Variants in DPYSL4 observed in about 807,000 individuals in gnomAD.
DPYSL4 encodes the protein dihydropyrimidinase-related protein 4.
DPYSL4 carries 43 observed loss-of-function variants against 63.4 expected under a neutral mutation model. That is an observed-to-expected ratio of 0.68 (90% CI 0.53 to 0.88). DPYSL4 has a LOEUF of 0.88. Ranked by LOEUF, DPYSL4 falls within the 40% of genes least tolerant of loss-of-function variation. DPYSL4 has a pLI of 0.00. For synonymous variants in DPYSL4, 353 were observed against 331.7 expected (o/e 1.06, Z -0.70); for missense variants, 733 against 819.5 (o/e 0.89, Z 1.29).
intron 13 of DPYSL4, among the ~76,000 whole-genome samples, chr10:132,204,616 G>A (rs547550144): frequency 3.8e-4 from 58 of 152,236 alleles, no homozygotes; most frequent in South Asian, 1.2e-3. Flanking sequence ...CACAGTCCCC[G>A]CAGGTTTCAT....
intron 3 of DPYSL4, among the ~76,000 whole-genome samples, chr10:132,194,197 G>A (rs947849208): frequency 6.6e-6 from 1 of 152,274 alleles, no homozygotes; most frequent in Non-Finnish European, 1.5e-5. Context: ...GTAGGGGCCC[G>A]AGGGAGGGCT....
At chr10:132,200,570 C>T in intron 9 of DPYSL4, 58 bp downstream of exon 9, 7 of 1,591,290 alleles carry the variant, frequency 4.4e-6, no homozygotes, top group Non-Finnish European at 5.1e-6. Context: ...CCTGCCAAGG[C>T]TGTGGCCCCG....
chr10:132,203,080 G>A (rs1290028693), intron 12 of DPYSL4, among the ~76,000 whole-genome samples: 3 of 152,244 alleles, frequency 2.0e-5, no homozygotes, highest in African/African-American at 4.8e-5. Context: ...AACGGCAGCT[G>A]GGTCCCACCC....
At chr10:132,198,315 A>G in intron 6 of DPYSL4, 100 bp from the exon 7 acceptor site, 3 of 1,212,742 alleles carry the variant, frequency 2.5e-6, no homozygotes, top group Admixed American at 2.1e-5. Context: ...CTGGGGGTCC[A>G]GGACCACTTG....
chr10:132,187,340 G>T (rs59134702), intron 1 of DPYSL4, among the ~76,000 whole-genome samples: 6,506 of 28,272 alleles, frequency 0.23, 212 homozygotes, highest in Non-Finnish European at 0.33. Context: ...GGCCCGGCCC[G>T]GCCCTGCCCG....
chr10:132,198,387 G>T, intron 6 of DPYSL4, 28 bp from the exon 7 acceptor site: 1 of 1,593,630 alleles, frequency 6.3e-7, no homozygotes, highest in Non-Finnish European at 8.5e-7. Context: ...TCAGGGCTTG[G>T]AGCGAGGCAT....
chr10:132,197,927 G>A (rs747521020), intron 6 of DPYSL4, among the ~76,000 whole-genome samples: 4 of 152,348 alleles, frequency 2.6e-5, no homozygotes, highest in East Asian at 1.9e-4. Context: ...CACATACAGC[G>A]GGAGGGAGCC....
At chr10:132,189,237 G>T (rs1024865511) in intron 1 of DPYSL4, among the ~76,000 whole-genome samples, 3 of 152,222 alleles carry the variant, frequency 2.0e-5, no homozygotes, top group Non-Finnish European at 4.4e-5. Flanking sequence ...GTGCTGAGGC[G>T]CACGCCAGAC....
chr10:132,194,790 A>ATTCT, intron 3 of DPYSL4, 55 bp from the exon 4 acceptor site: 1 of 1,587,444 alleles, frequency 6.3e-7, no homozygotes, highest in Non-Finnish European at 8.6e-7. Context: ...TGGAGGAGGC[A>ATTCT]GAGGTGGGAA....
intron 13 of DPYSL4, 67 bp from the exon 14 acceptor site, chr10:132,204,772 A>G (rs1184406609): frequency 7.1e-7 from 1 of 1,405,008 alleles, no homozygotes; most frequent in East Asian, 2.5e-5. Flanking sequence ...ACTCTGCCTC[A>G]CGCCTTGAAT....
chr10:132,202,939 G>A, intron 12 of DPYSL4, 114 bp downstream of exon 12: 2 of 1,299,004 alleles, frequency 1.5e-6, no homozygotes, highest in Non-Finnish European at 2.1e-6. Flanking sequence ...CAGGAAGACA[G>A]AGCGGGGCCG....
intron 6 of DPYSL4, among the ~76,000 whole-genome samples, chr10:132,197,949 G>A (rs1306099507): frequency 6.6e-6 from 1 of 152,224 alleles, no homozygotes; most frequent in South Asian, 2.1e-4. Flanking sequence ...CAGTATTGGG[G>A]CTGCTGCTTC....
chr10:132,199,052 C>T (rs1006915033), intron 8 of DPYSL4, 81 bp downstream of exon 8: 4 of 1,516,276 alleles, frequency 2.6e-6, no homozygotes, highest in Middle Eastern at 2.0e-4. Context: ...ATGCAGGTTC[C>T]CTGAGTCCCT....
At position 132,192,736 on chromosome 10, in the gene DPYSL4, C is replaced by A; in HGVS notation, c.207C>A (p.Gly69=). The change falls in exon 3 of 14, where the codon GGC becomes GGA. Residue 69 remains glycine (G), a synonymous_variant. Coordinates refer to ENST00000338492, the MANE Select transcript of DPYSL4 (RefSeq NM_006426.3). ...ACGGCCTGATGGTCCTTCCTGGTGGCGTTGACGTCCACACAAGGCTGCAGA... is the reference window on the plus strand; with the variant it reads ...ACGGCCTGATGGTCCTTCCTGGTGGAGTTGACGTCCACACAAGGCTGCAGA... The part of the protein sequence containing the change: ...DAHGLMVLPG[G]VDVHTRLQMP... 2 of 1,613,416 alleles carry A rather than the reference C, an allele frequency of 1.2e-6. No homozygotes were observed. The highest frequency in any genetic ancestry group is 1.7e-6 in the Non-Finnish European group (2 of 1,179,950).
chr10:132,192,606 C>T, intron 2 of DPYSL4, 52 bp from the exon 3 acceptor site: 1 of 1,536,558 alleles, frequency 6.5e-7, no homozygotes, highest in Non-Finnish European at 8.8e-7. Flanking sequence ...GGGAGCCCAT[C>T]TGGGCTCTGA....
At chr10:132,197,173 G>A in intron 6 of DPYSL4, 72 bp downstream of exon 6, 1 of 1,344,124 alleles carries the variant, frequency 7.4e-7, no homozygotes, top group Non-Finnish European at 9.9e-7. Flanking sequence ...TGTGGGGTGG[G>A]GCAGGGGTCT....
Position 132,186,994 on chromosome 10 carries a change from T to TCCGGGGGGGGGGGGGGGC in DPYSL4, c.-68_-67insGGGGGGGGGGGGGGGCCC. The TCCGGGGGGGGGGGGGGGC allele has an allele frequency of 4.6e-6, 1 of 217,372 alleles. No individual in the cohort carries two copies. 13.5% of individuals were successfully genotyped at this position (217,372 alleles called of 1,614,324 possible). A position where few individuals can be genotyped will look rare whatever the true frequency, so the allele number is the denominator to read the frequency against. ...CCACGCACGCGTCCCGGCTCACGCGTCCCCCCGCCCGCCCGCCCGCCCGCC... is the reference window on the plus strand; with the variant it reads ...CCACGCACGCGTCCCGGCTCACGCGTCCGGGGGGGGGGGGGGGCCCCCCCGCCCGCCCGCCCGCCCGCC... On this transcript the variant is annotated 5_prime_UTR_variant, in exon 1 of 14. Coordinates refer to ENST00000338492, the MANE Select transcript of DPYSL4 (RefSeq NM_006426.3).
At position 132,200,349 on chromosome 10, in the gene DPYSL4, G is replaced by C. The variant is rs780536263; in HGVS notation, c.812-7G>C. On this transcript the variant is annotated splice_region_variant and splice_polypyrimidine_tract_variant and intron_variant, in intron 8 of 13. Coordinates refer to ENST00000338492, the MANE Select transcript of DPYSL4 (RefSeq NM_006426.3). The stretch of plus-strand genomic sequence containing the variant: ...GTGGGGCACCTCTCATGGGCCTCGT[G>C]CTGCAGGGGTGGTCGTGTTTGGGGA... 1 of 1,612,984 alleles carries C rather than the reference G, an allele frequency of 6.2e-7. No homozygotes were observed. Among genetic ancestry groups the C allele is most frequent in the Non-Finnish European group, 8.5e-7 (1 of 1,179,806 alleles).
chr10:132,190,312 G>C (rs2061856451), intron 1 of DPYSL4, among the ~76,000 whole-genome samples: 1 of 152,234 alleles, frequency 6.6e-6, no homozygotes, highest in Non-Finnish European at 1.5e-5. Context: ...CCAAAGTCCA[G>C]CTCCGTCCGC....
Sources: gnomAD v4.1 joint callset for allele counts (sites outside exome capture counted in the v4.1 genomes callset) on GRCh38, gnomAD v4.1.1 for gene constraint, MANE v1.5 for transcripts, NCBI Gene and HGNC (gene_info 2026-07-23, HGNC 2026-07-21) for gene names.